Variants in FBLN1 observed in about 807,000 individuals in gnomAD.
FBLN1 encodes the protein fibulin-1.
FBLN1 carries 34 observed loss-of-function variants against 89.7 expected under a neutral mutation model. The observed-to-expected ratio is 0.38, with a 90% CI of 0.29 to 0.50. FBLN1 has a LOEUF of 0.50. FBLN1 is among the 20% of genes least tolerant of loss of function. FBLN1 has a pLI of 0.92. For missense variants in FBLN1, 777 were observed against 988.1 expected, an observed-to-expected ratio of 0.79 and a Z score of 2.86; for synonymous variants, 393 against 391.3, an observed-to-expected ratio of 1.00 and a Z score of -0.05.
At chr22:45,507,662 C>A (rs1303779534) in intron 1 of FBLN1, among the ~76,000 whole-genome samples, 1 of 152,130 alleles carries the variant, frequency 6.6e-6, no homozygotes, top group South Asian at 2.1e-4. Context: ...TGAGTAGCTG[C>A]GACTACAGGC....
Position 45,577,520 on chromosome 22 carries a change from G to A in FBLN1, c.1972+412G>A, listed in dbSNP as rs1346684548. Among the ~76,000 whole-genome samples, 1 of 152,248 alleles carries A rather than the reference G, an allele frequency of 6.6e-6. No homozygotes were observed. The highest frequency in any genetic ancestry group is 1.9e-4 in the East Asian group (1 of 5,202). On this transcript the variant is annotated intron_variant, in intron 16 of 16. Transcript: ENST00000327858. The surrounding 1 kb of genome is among the most constrained non-coding windows in gnomAD (Gnocchi z 6.6). The stretch of plus-strand genomic sequence containing the variant: ...TTGTTATTCTTGGGGTGCAATGGGA[G>A]GGATAGCAAAGTAGGAATCAGAGGG...
chr22:45,519,258 C>T (rs943062175), intron 2 of FBLN1, among the ~76,000 whole-genome samples: 14 of 152,114 alleles, frequency 9.2e-5, no homozygotes, highest in African/African-American at 3.4e-4. Context: ...CTGGATCGAC[C>T]GTTTTTATTC....
chr22:45,532,833 G>C lies in FBLN1; in HGVS notation c.545-230G>C, dbSNP rs2088426866. On this transcript the variant is annotated intron_variant, in intron 5 of 16. Coordinates refer to ENST00000327858, the MANE Select transcript of FBLN1 (RefSeq NM_006486.3). This position sits in a 1 kb window ranked among gnomAD's most constrained non-coding sequence, Gnocchi z 4.2. ...ACAAAGGGCACCCTGCACACCACCT[G>C]ATTTTCCAGACGGGGAGGTTGGGAC... is the stretch of plus-strand genomic sequence containing the variant. 1 of 597,962 alleles carries C rather than the reference G, an allele frequency of 1.7e-6. No individual in the cohort carries two copies. Among genetic ancestry groups the C allele is most frequent in the Non-Finnish European group, 3.0e-6 (1 of 334,330 alleles). 37.0% of individuals were successfully genotyped at this position (597,962 alleles called of 1,614,324 possible). A position where few individuals can be genotyped will look rare whatever the true frequency, so the allele number is the denominator to read the frequency against.
chr22:45,564,849 C>T (rs778424321), intron 14 of FBLN1: 11 of 1,612,766 alleles, frequency 6.8e-6, no homozygotes, highest in Middle Eastern at 1.7e-4. Context: ...ACTAGCATTT[C>T]TGTGGCTGTG....
intron 1 of FBLN1, among the ~76,000 whole-genome samples, chr22:45,515,022 C>T (rs115008731): frequency 0.012 from 1,818 of 152,280 alleles, 45 homozygotes; most frequent in African/African-American, 0.042. Context: ...GGTGACTTGA[C>T]GCTTTTCAGC....
In FBLN1 at chr22:45,572,428, A is replaced by G. The variant is rs568048302; in HGVS notation, c.1698-2083A>G. 1.3e-3 allele frequency among the ~76,000 whole-genome samples: 205 copies of G among 151,866 alleles called. 1 individual carries two copies. The highest frequency in any genetic ancestry group is 4.6e-3 in the African/African-American group (190 of 41,430). ...TGGCTTCCATCATGGGTTCATACTG[A>G]TTTTTTTTTCCCCAAAAATCCTTTG... On this transcript the variant is annotated intron_variant, in intron 14 of 16. Coordinates refer to ENST00000327858, the MANE Select transcript of FBLN1 (RefSeq NM_006486.3). The surrounding 1 kb of genome is among the most constrained non-coding windows in gnomAD (Gnocchi z 5.8).
intron 1 of FBLN1, among the ~76,000 whole-genome samples, chr22:45,506,300 G>A (rs2088020030): frequency 1.3e-5 from 2 of 152,246 alleles, no homozygotes; most frequent in African/African-American, 4.8e-5. Flanking sequence ...CAGGCGCTGA[G>A]CAGAAGGCCC....
At chr22:45,519,012 G>T (rs893795177) in intron 2 of FBLN1, among the ~76,000 whole-genome samples, 2 of 151,094 alleles carry the variant, frequency 1.3e-5, no homozygotes, top group East Asian at 4.0e-4. Flanking sequence ...GATTGTCGGG[G>T]TATGTGTCTC....
At chr22:45,567,081 C>G (rs1483202680) in intron 14 of FBLN1, among the ~76,000 whole-genome samples, 1 of 152,220 alleles carries the variant, frequency 6.6e-6, no homozygotes, top group Non-Finnish European at 1.5e-5. Context: ...AGCTGGTTTC[C>G]AGTGGCACTG....
At chr22:45,560,889 T>G (rs988556613) in intron 14 of FBLN1, among the ~76,000 whole-genome samples, 2 of 152,086 alleles carry the variant, frequency 1.3e-5, no homozygotes, top group Non-Finnish European at 2.9e-5. Context: ...TTATCTTGCC[T>G]GGCAACTGCC....
chr22:45,511,456 T>G (rs1328922481), intron 1 of FBLN1, among the ~76,000 whole-genome samples: 2 of 150,292 alleles, frequency 1.3e-5, no homozygotes, highest in Non-Finnish European at 3.0e-5. Flanking sequence ...GCCTGGCTTT[T>G]TTTTTTTTTT....
Position 45,574,483 on chromosome 22 carries a change from C to G in FBLN1, c.1698-28C>G. On this transcript the variant is annotated intron_variant, in intron 14 of 16. Transcript: ENST00000327858. The surrounding 1 kb of genome is among the most constrained non-coding windows in gnomAD (Gnocchi z 4.1). Reference sequence around the variant, plus strand: ...GGAGCTGCTGTCCCAGCTTCCCCGTCAGCCTCGTGTGCTGTGGTTCCCCTC... The same window carrying G: ...GGAGCTGCTGTCCCAGCTTCCCCGTGAGCCTCGTGTGCTGTGGTTCCCCTC... 1.2e-6 allele frequency: 2 copies of G among 1,613,924 alleles called. No individual in the cohort carries two copies. Among genetic ancestry groups the G allele is most frequent in the Non-Finnish European group, 1.7e-6 (2 of 1,179,992 alleles).
chr22:45,503,102 C>T (rs1272005726), intron 1 of FBLN1, 38 bp downstream of exon 1: 17 of 1,221,436 alleles, frequency 1.4e-5, no homozygotes, highest in East Asian at 3.3e-5. Flanking sequence ...AGCTTAGGGT[C>T]CCGACCCCCT....
In FBLN1 at chr22:45,588,688, C is replaced by T. The variant is rs2089109071; in HGVS notation, c.1972+11580C>T. On this transcript the variant is annotated intron_variant, in intron 16 of 16. Transcript: ENST00000327858. The surrounding 1 kb of genome is among the most constrained non-coding windows in gnomAD (Gnocchi z 5.1). ...TCCCGCAGGAATGATTTGTGACCCT[C>T]TTAGGCTGCTGGTCTGCACCTTCTG... Among the ~76,000 whole-genome samples, 1 of 152,074 alleles carries T rather than the reference C, an allele frequency of 6.6e-6. No homozygotes were observed. Among genetic ancestry groups the T allele is most frequent in the South Asian group, 2.1e-4 (1 of 4,830 alleles).
intron 14 of FBLN1, among the ~76,000 whole-genome samples, chr22:45,555,016 G>A (rs534967142): frequency 3.3e-5 from 5 of 151,442 alleles, no homozygotes; most frequent in South Asian, 2.1e-4. Context: ...GTTAGGACCC[G>A]TCCCCGTCTC....
Position 45,599,675 on chromosome 22 carries a change from T to C in FBLN1, c.1973-632T>C, listed in dbSNP as rs1006715640. ...GCTCATGCCTGTAATCCCAGCACTT[T>C]GGGAGGCCAAAGCGGGTGGATCACC... On this transcript the variant is annotated intron_variant, in intron 16 of 16. Transcript: ENST00000327858. Among the ~76,000 whole-genome samples, 4 of 152,216 alleles carry C rather than the reference T, an allele frequency of 2.6e-5. No homozygotes were observed. In the East Asian group the frequency reaches 7.7e-4, roughly 29 times the overall value.
At chr22:45,543,772 G>A (rs993139781) in intron 11 of FBLN1, among the ~76,000 whole-genome samples, 2 of 152,216 alleles carry the variant, frequency 1.3e-5, no homozygotes, top group African/African-American at 4.8e-5. Flanking sequence ...GAGGCCATGC[G>A]GGATGTGGCT....
intron 16 of FBLN1, among the ~76,000 whole-genome samples, chr22:45,593,789 TCTTC>T (rs2146666981): frequency 6.6e-6 from 1 of 152,346 alleles, no homozygotes; most frequent in Admixed American, 6.5e-5. Context: ...TGATTTTCCT[TCTTC>T]CTTCTCTCCT....
chr22:45,590,626 G>T lies in FBLN1; in HGVS notation c.1973-9681G>T, dbSNP rs1336752862. The stretch of plus-strand genomic sequence containing the variant: ...GGAAGGTGGTACACGTGTTCAGGTA[G>T]ATGCGACGAGGCCGGAACTGAGGCC... On this transcript the variant is annotated intron_variant, in intron 16 of 16. Transcript: ENST00000327858. The surrounding 1 kb of genome is among the most constrained non-coding windows in gnomAD (Gnocchi z 4.1). Among the ~76,000 whole-genome samples the T allele has an allele frequency of 6.6e-6, 1 of 152,194 alleles. No individual in the cohort carries two copies. The highest frequency in any genetic ancestry group is 2.4e-5 in the African/African-American group (1 of 41,466).
Sources: gnomAD v4.1 joint callset for allele counts (sites outside exome capture counted in the v4.1 genomes callset) on GRCh38, gnomAD v4.1.1 for gene constraint, Gnocchi (gnomAD v3.1) non-coding constraint, MANE v1.5 for transcripts, NCBI Gene and HGNC (gene_info 2026-07-23, HGNC 2026-07-21) for gene names.